DLC1: variants seen among roughly 807,000 people sequenced by gnomAD.
DLC1 encodes DLC1 Rho GTPase activating protein.
A neutral mutation model predicts 140.3 loss-of-function variants in DLC1; 54 were observed. The ratio of observed to expected loss-of-function variants is 0.38; its 90% CI spans 0.31 to 0.48. The LOEUF is 0.48. DLC1 is among the 20% of genes least tolerant of loss of function. DLC1 has a pLI of 0.96. For synonymous variants in DLC1, 986 were observed against 728.1 expected, an observed-to-expected ratio of 1.35 and a Z score of -5.70; for missense variants, 2,536 against 1,907.0, an observed-to-expected ratio of 1.33 and a Z score of -6.14.
chr8:13,338,912 C>T (rs1298953153), intron 4 of DLC1, among the ~76,000 whole-genome samples: 1 of 152,140 alleles, frequency 6.6e-6, no homozygotes, highest in South Asian at 2.1e-4. Flanking sequence ...TACTTTTGTA[C>T]CCTTTAATTA....
chr8:13,118,354 A>G (rs1478914305), intron 5 of DLC1, among the ~76,000 whole-genome samples: 1 of 152,224 alleles, frequency 6.6e-6, no homozygotes, highest in Non-Finnish European at 1.5e-5. Context: ...ACAATGGCTA[A>G]AACACAGTAC....
chr8:13,568,204 G>A lies in DLC1; in HGVS notation c.-126+36333C>T, dbSNP rs185711377. 33 of 360,590 alleles carry A rather than the reference G, an allele frequency of 9.2e-5. No homozygotes were observed. In the East Asian group the frequency reaches 1.6e-3, roughly 18 times the overall value. The allele number at this position is 360,590 out of a possible 1,614,324, so 22.3% of individuals were successfully genotyped here. On this transcript the variant is annotated intron_variant, in intron 1 of 1. Coordinates refer to the DLC1 transcript ENST00000631382. ...TACAGAAGCAAAGTAGTATGGGGAT[G>A]TAAGAGAAACTTAAAAAGTAATAAC...
intron 5 of DLC1, among the ~76,000 whole-genome samples, chr8:13,303,564 G>A (rs940605161): frequency 7.2e-5 from 11 of 152,154 alleles, no homozygotes; most frequent in African/African-American, 1.2e-4. Flanking sequence ...CACTTTGGGA[G>A]GCCGAGGCGG....
At position 13,365,566 on chromosome 8, in the gene DLC1, T is replaced by C. The variant is rs7016458; in HGVS notation, c.1314+27987A>G. Among the ~76,000 whole-genome samples the C allele has an allele frequency of 2.9e-3, 436 of 152,244 alleles. 3 individuals carry two copies. The highest frequency in any genetic ancestry group is 0.01 in the African/African-American group (421 of 41,554). On this transcript the variant is annotated intron_variant, in intron 4 of 17. Transcript: ENST00000276297. ...TGCATGAGATGTTACCAATTTCTCT[T>C]TTGAGAATGTTGGAGTCCACCTTGC...
At chr8:13,424,703 G>C (rs931050754) in intron 2 of DLC1, among the ~76,000 whole-genome samples, 22 of 151,900 alleles carry the variant, frequency 1.4e-4, no homozygotes, top group African/African-American at 5.3e-4. Context: ...CCCCTGAGTA[G>C]CTTGGACTAC....
At chr8:13,298,910 C>G (rs1397559723) in intron 5 of DLC1, among the ~76,000 whole-genome samples, 1 of 152,064 alleles carries the variant, frequency 6.6e-6, no homozygotes, top group Non-Finnish European at 1.5e-5. Context: ...AATGATAATG[C>G]TTTGTTTTGC....
chr8:13,596,739 TA>T (rs1805692275), intron 1 of DLC1, among the ~76,000 whole-genome samples: 1 of 151,972 alleles, frequency 6.6e-6, no homozygotes, highest in South Asian at 2.1e-4. Context: ...CATATGGGCC[TA>T]AAAATGATCA....
intron 5 of DLC1, among the ~76,000 whole-genome samples, chr8:13,122,435 C>A (rs1381680624): frequency 6.6e-6 from 1 of 152,010 alleles, no homozygotes; most frequent in Non-Finnish European, 1.5e-5. Flanking sequence ...TTTGTATATC[C>A]CGAAAGACAA....
At chr8:13,149,369 C>A (rs561363051) in intron 5 of DLC1, among the ~76,000 whole-genome samples, 3 of 152,310 alleles carry the variant, frequency 2.0e-5, no homozygotes, top group South Asian at 2.1e-4. Context: ...ATATTCTTCT[C>A]ATTTCCTACC....
At chr8:13,541,239 A>G (rs1803474621) in intron 1 of DLC1, among the ~76,000 whole-genome samples, 1 of 151,622 alleles carries the variant, frequency 6.6e-6, no homozygotes, top group Non-Finnish European at 1.5e-5. Flanking sequence ...TTTTGGTTAT[A>G]ACAAATAAAG....
intron 2 of DLC1, among the ~76,000 whole-genome samples, chr8:13,406,089 C>G (rs528739624): frequency 1.2e-3 from 172 of 149,186 alleles, no homozygotes; most frequent in African/African-American, 4.2e-3. Context: ...TCACTGCAAC[C>G]TCTGCCTCCC....
intron 5 of DLC1, among the ~76,000 whole-genome samples, chr8:13,287,631 G>A (rs1056319532): frequency 5.3e-5 from 8 of 152,112 alleles, no homozygotes; most frequent in African/African-American, 1.4e-4. Flanking sequence ...AGTAAACATC[G>A]TTAACATTTC....
In DLC1 at chr8:13,344,216, G is replaced by C. The variant is rs1834205897; in HGVS notation, c.1315-38914C>G. On this transcript the variant is annotated intron_variant, in intron 4 of 17. Transcript: ENST00000276297. ...CCTTTAAAATACTTTCAATCAGCCT[G>C]GCCGTGGTGGTTCATACCTGTAATC... 2.6e-5 allele frequency among the ~76,000 whole-genome samples: 4 copies of C among 152,172 alleles called. No homozygotes were observed. The South Asian group carries it at 8.3e-4, about 32-fold the overall frequency.
In DLC1 at chr8:13,499,120, A is replaced by G. The variant is rs1801649625; in HGVS notation, c.952T>C (p.Cys318Arg). ...PKVKAEDGMQCLQLKETLATQ... is the reference protein window; with the variant it reads ...PKVKAEDGMQRLQLKETLATQ... ...GCCAGGGTCTCCTTTAATTGTAAAC[A>G]CTGCATGCCATCTTCTGCCTTGACC... Residue 318 changes from cysteine to arginine, a missense_variant, in exon 2 of 18, where the codon TGT (cysteine) becomes CGT (arginine). Physicochemically the swap from Cys to Arg is radical, Grantham distance 180 (BLOSUM62 -3). Transcript: ENST00000276297. 6.2e-7 allele frequency: 1 copy of G among 1,614,144 alleles called. No individual in the cohort carries two copies. Among genetic ancestry groups the G allele is most frequent in the Middle Eastern group, 1.7e-4 (1 of 6,060 alleles).
In DLC1 at chr8:13,300,057, A is replaced by G. The variant is rs1317671996; in HGVS notation, c.1348+5212T>C. Among the ~76,000 whole-genome samples the G allele has an allele frequency of 2.6e-5, 4 of 152,218 alleles. No individual in the cohort carries two copies. In the East Asian group the frequency reaches 7.7e-4, roughly 29 times the overall value. ...CAAATGCCCATCAGTGATAGGCTGG[A>G]TAAAGAAAATGTGGTACATATACAC... On this transcript the variant is annotated intron_variant, in intron 5 of 17. Coordinates refer to ENST00000276297, the MANE Select transcript of DLC1 (RefSeq NM_182643.3).
intron 2 of DLC1, among the ~76,000 whole-genome samples, chr8:13,420,133 T>TATCA (rs1255588896): frequency 6.6e-6 from 1 of 152,166 alleles, no homozygotes; most frequent in African/African-American, 2.4e-5. Context: ...GCTAGCAGTC[T>TATCA]ATCAATTTTG....
At chr8:13,183,834 A>T (rs1216830256) in intron 5 of DLC1, among the ~76,000 whole-genome samples, 1 of 152,174 alleles carries the variant, frequency 6.6e-6, no homozygotes, top group Admixed American at 6.5e-5. Flanking sequence ...GCCTCATAAA[A>T]TGAGTTAGGG....
At chr8:13,464,063 A>G (rs577943378) in intron 2 of DLC1, among the ~76,000 whole-genome samples, 3 of 152,348 alleles carry the variant, frequency 2.0e-5, no homozygotes, top group African/African-American at 7.2e-5. Context: ...AAAAAATTGC[A>G]GGGCACATTG....
rs1487346725 is a variant in DLC1, at chr8:13,579,315, T to TTTTTTATATATA, written c.-126+25221_-126+25222insTATATATAAAAA. On this transcript the variant is annotated intron_variant, in intron 1 of 1. Transcript: ENST00000631382. ...AAAGTCAGATACCACAGGTCTGACT[T>TTTTTTATATATA]TATATATATATATATATATATATAT... Among the ~76,000 whole-genome samples the TTTTTTATATATA allele has an allele frequency of 1.6e-3, 17 of 10,666 alleles. 3 individuals are homozygous for TTTTTTATATATA. Among genetic ancestry groups the TTTTTTATATATA allele is most frequent in the Non-Finnish European group, 2.5e-3 (15 of 6,084 alleles). 7.0% of individuals were successfully genotyped at this position (10,666 alleles called of 152,430 possible).
Sources: gnomAD v4.1 joint callset for allele counts (sites outside exome capture counted in the v4.1 genomes callset) on GRCh38, gnomAD v4.1.1 for gene constraint, MANE v1.5 for transcripts, NCBI Gene and HGNC (gene_info 2026-07-23, HGNC 2026-07-21) for gene names.